XRCC5: variants seen among roughly 807,000 people sequenced by gnomAD.
XRCC5 encodes DNA repair protein Ku80.
XRCC5 carries 12 observed loss-of-function variants against 95.7 expected under a neutral mutation model. The observed-to-expected ratio is 0.13, with a 90% CI of 0.08 to 0.20. The LOEUF (loss-of-function observed/expected upper bound fraction) is 0.20, where lower values mean the gene tolerates loss of function less well. Ranked by LOEUF, XRCC5 falls within the 10% of genes least tolerant of loss-of-function variation. XRCC5 has a pLI of 1.00. For missense variants in XRCC5, 595 were observed against 873.9 expected, an observed-to-expected ratio of 0.68 and a Z score of 4.02; for synonymous variants, 281 against 290.3, an observed-to-expected ratio of 0.97 and a Z score of 0.33.
At position 216,138,117 on chromosome 2, in the gene XRCC5, T is replaced by C. The variant is rs866983668; in HGVS notation, c.1280T>C (p.Met427Thr). Residue 427 changes from methionine (M) to threonine (T), a missense_variant, in exon 12 of 21, where the codon ATG becomes ACG. This residue lies in a region of XRCC5 where 309 missense variants were observed against 382.9 expected (regional missense o/e 0.81). Transcript: ENST00000392132. ...ECLVYVQLPFMEDLRQYMFSS... is the reference protein window; with the variant it reads ...ECLVYVQLPFTEDLRQYMFSS... ...TTAGTGTATGTGCAGCTGCCTTTCATGGAAGACTTGCGGCAATACATGTTT... is the reference window on the plus strand; with the variant it reads ...TTAGTGTATGTGCAGCTGCCTTTCACGGAAGACTTGCGGCAATACATGTTT... 1 of 1,613,518 alleles carries C rather than the reference T, an allele frequency of 6.2e-7. No individual in the cohort carries two copies. Among genetic ancestry groups the C allele is most frequent in the African/African-American group, 1.3e-5 (1 of 75,042 alleles).
chr2:216,111,765 A>C (rs1696595017), intron 1 of XRCC5, among the ~76,000 whole-genome samples: 1 of 152,194 alleles, frequency 6.6e-6, no homozygotes, highest in Non-Finnish European at 1.5e-5. Flanking sequence ...AGAGTCAAGG[A>C]ATGTGAACTC....
intron 19 of XRCC5, chr2:216,204,098 T>G: frequency 1.8e-6 from 1 of 542,226 alleles, no homozygotes; most frequent in South Asian, 2.1e-5. Context: ...GAGCACTTTC[T>G]CTGGTGATGA....
chr2:216,127,845 CT>C, intron 8 of XRCC5, 171 bp downstream of exon 8: 1 of 625,274 alleles, frequency 1.6e-6, no homozygotes, highest in Non-Finnish European at 2.4e-6. Flanking sequence ...TTTGTTGGGT[CT>C]TAGGCAGGTT....
chr2:216,159,603 TA>T (rs749154294), intron 14 of XRCC5, among the ~76,000 whole-genome samples: 1 of 152,232 alleles, frequency 6.6e-6, no homozygotes, highest in Non-Finnish European at 1.5e-5. Flanking sequence ...TATAAAGCTC[TA>T]ACATACATGA....
chr2:216,141,181 T>G lies in XRCC5; in HGVS notation c.1343-5T>G. 2 of 1,613,156 alleles carry G rather than the reference T, an allele frequency of 1.2e-6. No individual in the cohort carries two copies. The highest frequency in any genetic ancestry group is 2.7e-5 in the African/African-American group (2 of 75,008). ...ATCATTTTTCTTTCGGCTTCTCTGT[T>G]TAAGAGGCACAGTTGAATGCTGTTG... On this transcript the variant is annotated splice_polypyrimidine_tract_variant and splice_region_variant and intron_variant, in intron 12 of 20. Coordinates refer to ENST00000392132, the MANE Select transcript of XRCC5 (RefSeq NM_021141.4).
intron 19 of XRCC5, among the ~76,000 whole-genome samples, chr2:216,198,802 C>T (rs920742713): frequency 2.0e-5 from 3 of 152,152 alleles, no homozygotes; most frequent in African/African-American, 7.2e-5. Context: ...GTCCGCCCAC[C>T]TTGGCTTCCC....
chr2:216,120,705 G>A (rs1005676539), intron 5 of XRCC5, among the ~76,000 whole-genome samples: 2 of 151,738 alleles, frequency 1.3e-5, no homozygotes, highest in African/African-American at 2.4e-5. Context: ...ATAGATGCAT[G>A]TTACCACACC....
At chr2:216,115,342 G>T (rs1436386258) in intron 2 of XRCC5, among the ~76,000 whole-genome samples, 1 of 152,110 alleles carries the variant, frequency 6.6e-6, no homozygotes, top group Non-Finnish European at 1.5e-5. Flanking sequence ...TCAGAATCAG[G>T]AACTTAGTGC....
chr2:216,153,158 C>T (rs1055484807), intron 14 of XRCC5, among the ~76,000 whole-genome samples: 1 of 152,318 alleles, frequency 6.6e-6, no homozygotes, highest in East Asian at 1.9e-4. Flanking sequence ...ATCCTTGAAA[C>T]TCATCTTTCA....
chr2:216,127,655 A>G lies in XRCC5; in HGVS notation c.918A>G (p.Leu306=). 1 of 1,604,772 alleles carries G rather than the reference A, an allele frequency of 6.2e-7. No individual in the cohort carries two copies. The highest frequency in any genetic ancestry group is 2.2e-5 in the East Asian group (1 of 44,694). The change falls in exon 8 of 21, where the codon TTA becomes TTG. Residue 306 remains leucine, a synonymous_variant. Coordinates refer to ENST00000392132, the MANE Select transcript of XRCC5 (RefSeq NM_021141.4). ...CLNDDDETEV[L]KEDIIQGFRY... ...ATGATGATGATGAAACTGAAGTTTT[A>G]AAAGAGGATATTATTCAAGGTATGT...
chr2:216,181,973 G>A (rs765963563), intron 16 of XRCC5, among the ~76,000 whole-genome samples: 24 of 152,262 alleles, frequency 1.6e-4, no homozygotes, highest in South Asian at 6.2e-4. Context: ...GAAAAATACC[G>A]TATAAACCAA....
chr2:216,132,685 G>T (rs189149267), intron 10 of XRCC5, among the ~76,000 whole-genome samples: 1 of 152,294 alleles, frequency 6.6e-6, no homozygotes, highest in African/African-American at 2.4e-5. Context: ...TTGACATTTT[G>T]TGTTGTCATA....
In XRCC5 at chr2:216,180,000, A is replaced by G. The variant is rs61224477; in HGVS notation, c.1835-10225A>G. 4.7e-3 allele frequency among the ~76,000 whole-genome samples: 711 copies of G among 152,246 alleles called. 6 individuals carry two copies. The highest frequency in any genetic ancestry group is 0.016 in the African/African-American group (672 of 41,536). On this transcript the variant is annotated intron_variant, in intron 16 of 20. Transcript: ENST00000392132. Reference sequence around the variant, plus strand: ...AGTTTTGCTGATCATTTGAATGTAGAGTGTGTGAGAGAGAAAAAGTTTAAA... The same window carrying G: ...AGTTTTGCTGATCATTTGAATGTAGGGTGTGTGAGAGAGAAAAAGTTTAAA...
intron 12 of XRCC5, 121 bp downstream of exon 12, chr2:216,138,300 T>C: frequency 1.2e-6 from 1 of 804,764 alleles, no homozygotes; most frequent in South Asian, 1.5e-5. Flanking sequence ...GGATTTCCAA[T>C]CATACACTTA....
chr2:216,156,545 C>T (rs939064617), intron 14 of XRCC5: 25 of 600,100 alleles, frequency 4.2e-5, no homozygotes, highest in East Asian at 3.0e-4. Context: ...ACTGGCTTCC[C>T]GGTACTTGGT....
intron 11 of XRCC5, among the ~76,000 whole-genome samples, chr2:216,137,784 T>G (rs1236087564): frequency 6.6e-6 from 1 of 152,224 alleles, no homozygotes; most frequent in Admixed American, 6.5e-5. Flanking sequence ...AAGGCACATA[T>G]CTTGACTTCC....
Position 216,119,256 on chromosome 2 carries a change from A to G in XRCC5, c.491+91A>G. 2.8e-6 allele frequency: 4 copies of G among 1,439,326 alleles called. No individual in the cohort carries two copies. The East Asian group carries it at 7.0e-5, about 25-fold the overall frequency. The allele number at this position is 1,439,326 out of a possible 1,614,324, so 89.2% of individuals were successfully genotyped here. ...CTGTATAGAGTACTTGGTTTATGGGAATTTTCGCTTTCTGCTCCAAGGCTG... is the reference window on the plus strand; with the variant it reads ...CTGTATAGAGTACTTGGTTTATGGGGATTTTCGCTTTCTGCTCCAAGGCTG... On this transcript the variant is annotated intron_variant, in intron 5 of 20. Transcript: ENST00000392132.
chr2:216,127,507 T>C (rs1187489345), intron 7 of XRCC5, 29 bp from the exon 8 acceptor site: 3 of 1,567,602 alleles, frequency 1.9e-6, no homozygotes, highest in Non-Finnish European at 2.6e-6. Flanking sequence ...TAACTTTCCT[T>C]GTTTTCCCTT....
At chr2:216,184,972 C>G (rs1404369087) in intron 16 of XRCC5, among the ~76,000 whole-genome samples, 3 of 152,178 alleles carry the variant, frequency 2.0e-5, no homozygotes, top group Non-Finnish European at 2.9e-5. Flanking sequence ...TGTCTAAAGA[C>G]TTCCTACTGG....
Sources: gnomAD v4.1 joint callset for allele counts (sites outside exome capture counted in the v4.1 genomes callset) on GRCh38, gnomAD v4.1.1 for gene constraint, gnomAD v4.1.1 regional missense constraint, MANE v1.5 for transcripts, NCBI Gene and HGNC (gene_info 2026-07-23, HGNC 2026-07-21) for gene names.